The following PRKG2 variants were observed in gnomAD, a reference collection of about 807,000 sequenced individuals.
PRKG2 encodes cGMP-dependent protein kinase 2.
PRKG2 carries 33 observed loss-of-function variants against 97.2 expected under a neutral mutation model. The observed-to-expected ratio is 0.34, with a 90% CI of 0.26 to 0.45. The LOEUF (loss-of-function observed/expected upper bound fraction) is 0.45, where lower values mean the gene tolerates loss of function less well. Among genes scored for constraint, PRKG2 ranks in the 20% least tolerant of loss-of-function variants. The pLI, the probability that PRKG2 is intolerant of heterozygous loss-of-function variation, is 1.00. For synonymous variants in PRKG2, 330 were observed against 321.8 expected, an observed-to-expected ratio of 1.03 and a Z score of -0.27; for missense variants, 638 against 900.0, an observed-to-expected ratio of 0.71 and a Z score of 3.73.
chr4:81,130,523 G>A (rs1746068385), intron 14 of PRKG2, among the ~76,000 whole-genome samples: 1 of 152,158 alleles, frequency 6.6e-6, no homozygotes, highest in South Asian at 2.1e-4. Flanking sequence ...GCTCTGTTCT[G>A]GGAGATCCCC....
chr4:81,188,010 A>G (rs1300316835), intron 2 of PRKG2, among the ~76,000 whole-genome samples: 1 of 152,218 alleles, frequency 6.6e-6, no homozygotes, highest in Non-Finnish European at 1.5e-5. Flanking sequence ...ACAAAAGCCA[A>G]AATTGATAAA....
In PRKG2 at chr4:81,143,968, T is replaced by G. The variant is rs565324159; in HGVS notation, c.1253+264A>C. On this transcript the variant is annotated intron_variant, in intron 10 of 18. Transcript: ENST00000264399. Reference sequence around the variant, plus strand: ...ACCAGGCAACATAAAATATCCCTTTTGTAAGGCCCTGGATTAGAACACCTC... The same window carrying G: ...ACCAGGCAACATAAAATATCCCTTTGGTAAGGCCCTGGATTAGAACACCTC... 3.3e-5 allele frequency among the ~76,000 whole-genome samples: 5 copies of G among 152,294 alleles called. No homozygotes were observed. The East Asian group carries it at 7.7e-4, about 23-fold the overall frequency.
intron 2 of PRKG2, among the ~76,000 whole-genome samples, chr4:81,204,380 T>TGA (rs1753511810): frequency 1.3e-5 from 2 of 152,276 alleles, no homozygotes; most frequent in South Asian, 4.1e-4. Flanking sequence ...GAGCTCCTCA[T>TGA]GAGAGATATA....
intron 18 of PRKG2, among the ~76,000 whole-genome samples, chr4:81,091,668 T>C (rs1741548186): frequency 6.6e-6 from 1 of 152,152 alleles, no homozygotes; most frequent in Non-Finnish European, 1.5e-5. Context: ...AAAAGTCAGA[T>C]AGCAATCTAC....
At chr4:81,149,233 C>A (rs1748152045) in intron 8 of PRKG2, among the ~76,000 whole-genome samples, 1 of 152,094 alleles carries the variant, frequency 6.6e-6, no homozygotes, top group Non-Finnish European at 1.5e-5. Flanking sequence ...TCATTCTGAG[C>A]TTTGTGAAAG....
intron 4 of PRKG2, among the ~76,000 whole-genome samples, chr4:81,171,065 T>C (rs970905758): frequency 1.1e-4 from 16 of 152,156 alleles, no homozygotes; most frequent in African/African-American, 3.9e-4. Context: ...GTTTGTTTCA[T>C]AGATAAACGT....
chr4:81,127,325 G>C (rs924355485), intron 14 of PRKG2, among the ~76,000 whole-genome samples: 5 of 152,118 alleles, frequency 3.3e-5, no homozygotes, highest in Non-Finnish European at 7.4e-5. Context: ...TGTTCTTTTT[G>C]ATTAGAAATG....
chr4:81,103,316 C>T (rs149521139), intron 17 of PRKG2, among the ~76,000 whole-genome samples: 3 of 152,044 alleles, frequency 2.0e-5, no homozygotes, highest in Non-Finnish European at 2.9e-5. Context: ...CCGCTCCCCC[C>T]ACCCCACAAC....
intron 6 of PRKG2, among the ~76,000 whole-genome samples, chr4:81,155,914 G>A: frequency 1.3e-5 from 2 of 151,508 alleles, no homozygotes; most frequent in Non-Finnish European, 2.9e-5. Flanking sequence ...TGCCCTAAAA[G>A]AGCTCCTGAA....
At chr4:81,188,045 T>A (rs1271388395) in intron 2 of PRKG2, among the ~76,000 whole-genome samples, 5 of 152,104 alleles carry the variant, frequency 3.3e-5, no homozygotes, top group Admixed American at 3.3e-4. Flanking sequence ...ACTAAAGAGC[T>A]TCTGCATAGC....
rs1293238300 is a variant in PRKG2, at chr4:81,183,470, C to T, written c.462-8511G>A. ...GGTGTACTCAGGCCCAGATAGTACG[C>T]TTTTCCCATGGTCTTCACAACCTGC... On this transcript the variant is annotated intron_variant, in intron 2 of 18. Coordinates refer to ENST00000264399, the MANE Select transcript of PRKG2 (RefSeq NM_006259.3). Among the ~76,000 whole-genome samples, 7 of 152,176 alleles carry T rather than the reference C, an allele frequency of 4.6e-5. No individual in the cohort carries two copies. The East Asian group carries it at 1.4e-3, about 29-fold the overall frequency.
intron 6 of PRKG2, 138 bp from the exon 7 acceptor site, chr4:81,153,859 G>C (rs911652092): frequency 1.6e-6 from 1 of 621,638 alleles, no homozygotes; most frequent in Non-Finnish European, 2.8e-6. Flanking sequence ...GAGGTACCGG[G>C]TTCATCTCAC....
chr4:81,111,584 C>T (rs1387785486), intron 14 of PRKG2, among the ~76,000 whole-genome samples: 1 of 152,054 alleles, frequency 6.6e-6, no homozygotes, highest in Non-Finnish European at 1.5e-5. Context: ...CTGAGCTTGG[C>T]CCTGACTGAG....
At chr4:81,155,001 C>T (rs991296440) in intron 6 of PRKG2, among the ~76,000 whole-genome samples, 75 of 151,670 alleles carry the variant, frequency 4.9e-4, no homozygotes, top group African/African-American at 1.6e-3. Flanking sequence ...GGTGAAACCC[C>T]GTCTCTACTA....
chr4:81,101,043 G>A (rs377255739), intron 17 of PRKG2, among the ~76,000 whole-genome samples: 8 of 151,848 alleles, frequency 5.3e-5, no homozygotes, highest in East Asian at 1.9e-4. Flanking sequence ...TTAGAATGGC[G>A]ATCATTAAAA....
chr4:81,135,065 C>G, intron 14 of PRKG2, 90 bp downstream of exon 14: 1 of 1,312,556 alleles, frequency 7.6e-7, no homozygotes, highest in Non-Finnish European at 1.0e-6. Context: ...AACAGCTGCA[C>G]TAAAATTAAA....
chr4:81,156,272 T>C (rs552080774), intron 6 of PRKG2, among the ~76,000 whole-genome samples: 33 of 152,036 alleles, frequency 2.2e-4, no homozygotes, highest in African/African-American at 7.2e-4. Context: ...AAGGCAGGGG[T>C]TGCAATCCTA....
chr4:81,166,756 A>G (rs1338018326), intron 6 of PRKG2, among the ~76,000 whole-genome samples: 1 of 152,112 alleles, frequency 6.6e-6, no homozygotes, highest in East Asian at 1.9e-4. Context: ...TGCCACCAAA[A>G]GGACCAACAT....
chr4:81,144,106 T>C, intron 10 of PRKG2, 126 bp downstream of exon 10: 1 of 709,236 alleles, frequency 1.4e-6, no homozygotes, highest in South Asian at 1.9e-5. Flanking sequence ...TCAAAAGAAC[T>C]CTCCAGAATT....
Sources: allele counts gnomAD v4.1 joint callset (sites outside exome capture counted in the v4.1 genomes callset), GRCh38; gene constraint gnomAD v4.1.1; transcripts MANE v1.5; gene names NCBI Gene and HGNC (gene_info 2026-07-23, HGNC 2026-07-21).